GPM6A: variants seen among roughly 807,000 people sequenced by gnomAD.
GPM6A encodes glycoprotein M6A, also known as neuronal membrane glycoprotein M6-a.
Under a neutral mutation model 32.1 loss-of-function variants are expected in GPM6A, and 7 were observed. The observed-to-expected ratio is 0.22, with a 90% CI of 0.12 to 0.41. The LOEUF is 0.41. GPM6A is among the 10% of genes least tolerant of loss of function. The pLI, the probability that GPM6A is intolerant of heterozygous loss-of-function variation, is 1.00. For missense variants in GPM6A, 235 were observed against 347.2 expected (o/e 0.68, Z 2.57); for synonymous variants, 130 against 123.4 (o/e 1.05, Z -0.35).
chr4:175,827,412 C>T (rs1371502513), intron 1 of GPM6A, among the ~76,000 whole-genome samples: 1 of 152,266 alleles, frequency 6.6e-6, no homozygotes, highest in East Asian at 1.9e-4. Context: ...GTATTATTAT[C>T]CCCACTTCGC....
At chr4:175,702,737 G>A (rs186115170) in intron 1 of GPM6A, among the ~76,000 whole-genome samples, 9 of 152,146 alleles carry the variant, frequency 5.9e-5, no homozygotes, top group Admixed American at 2.6e-4. Flanking sequence ...GGCTGGTCTC[G>A]AACTCTTGAC....
chr4:175,946,130 A>C (rs1301738574), intron 1 of GPM6A, among the ~76,000 whole-genome samples: 6 of 152,140 alleles, frequency 3.9e-5, no homozygotes, highest in African/African-American at 1.4e-4. Context: ...TAAATCTATA[A>C]AAAATCTATA....
rs190033105 is a variant in GPM6A, at chr4:175,729,590, G to C, written c.38-27823C>G. On this transcript the variant is annotated intron_variant, in intron 1 of 6. Transcript: ENST00000393658. ...ATTGTTCATTTAAAAATAACTAAAAGAGTATAAGTGGATTGTTTGGAACAA... is the reference window on the plus strand; with the variant it reads ...ATTGTTCATTTAAAAATAACTAAAACAGTATAAGTGGATTGTTTGGAACAA... 2.2e-3 allele frequency among the ~76,000 whole-genome samples: 332 copies of C among 152,040 alleles called. 2 individuals carry two copies. The highest frequency in any genetic ancestry group is 0.011 in the South Asian group (52 of 4,826).
intron 4 of GPM6A, among the ~76,000 whole-genome samples, chr4:175,649,938 A>G (rs950044251): frequency 2.0e-5 from 3 of 152,204 alleles, no homozygotes; most frequent in African/African-American, 7.2e-5. Flanking sequence ...TTCCAAATTT[A>G]ACTTTTAGGA....
At chr4:175,644,504 T>C (rs1741342889) in intron 4 of GPM6A, among the ~76,000 whole-genome samples, 1 of 151,588 alleles carries the variant, frequency 6.6e-6, no homozygotes, top group Admixed American at 6.6e-5. Flanking sequence ...ATATAACAAA[T>C]AGATATAATA....
At chr4:175,745,640 A>G (rs1033715358) in intron 1 of GPM6A, among the ~76,000 whole-genome samples, 23 of 152,204 alleles carry the variant, frequency 1.5e-4, no homozygotes, top group African/African-American at 5.5e-4. Flanking sequence ...CGAGAACATT[A>G]TAATTATTCC....
chr4:175,892,061 G>A (rs548801178), intron 1 of GPM6A, among the ~76,000 whole-genome samples: 1 of 152,292 alleles, frequency 6.6e-6, no homozygotes, highest in Admixed American at 6.5e-5. Context: ...AAGCAGTCTA[G>A]TACTTTAAAA....
At chr4:175,944,690 A>C (rs1485862581) in intron 1 of GPM6A, among the ~76,000 whole-genome samples, 2 of 152,202 alleles carry the variant, frequency 1.3e-5, no homozygotes, top group Non-Finnish European at 2.9e-5. Context: ...CAGAACACTC[A>C]AGTAAGAAAT....
At chr4:175,726,715 C>CT (rs1446884433) in intron 1 of GPM6A, among the ~76,000 whole-genome samples, 1 of 152,076 alleles carries the variant, frequency 6.6e-6, no homozygotes, top group Non-Finnish European at 1.5e-5. Context: ...GTTACTTTAA[C>CT]TTTTTATAAA....
At chr4:175,655,364 G>T (rs73875108) in intron 3 of GPM6A, among the ~76,000 whole-genome samples, 4,260 of 152,006 alleles carry the variant, frequency 0.028, 79 homozygotes, top group Non-Finnish European at 0.038. Context: ...TTCTATTTCA[G>T]AATCTGATGA....
chr4:175,813,227 T>A, upstream of GPM6A: 1 of 249,210 alleles, frequency 4.0e-6, no homozygotes, highest in Non-Finnish European at 6.4e-6. Context: ...ATGAGAAGAG[T>A]GATGTAAGGG....
upstream of GPM6A, chr4:175,812,634 G>A: frequency 4.0e-6 from 4 of 991,326 alleles, no homozygotes; most frequent in Non-Finnish European, 4.8e-6. Context: ...AGAAATTGAG[G>A]TTTGTATTGA....
intron 1 of GPM6A, among the ~76,000 whole-genome samples, chr4:175,981,205 C>G (rs970302119): frequency 6.6e-6 from 1 of 152,000 alleles, no homozygotes; most frequent in Admixed American, 6.6e-5. Flanking sequence ...AATGACCTAC[C>G]ACTCAAAATC....
intron 1 of GPM6A, among the ~76,000 whole-genome samples, chr4:175,951,775 T>C (rs1739821751): frequency 6.6e-6 from 1 of 152,226 alleles, no homozygotes; most frequent in South Asian, 2.1e-4. Flanking sequence ...ATGCGGAGCG[T>C]GTTTGTGAAT....
intron 1 of GPM6A, among the ~76,000 whole-genome samples, chr4:175,977,339 A>T (rs547517053): frequency 3.4e-4 from 52 of 152,302 alleles, no homozygotes; most frequent in Non-Finnish European, 6.3e-4. Flanking sequence ...TTTATTTAGT[A>T]CTTTCTTGTC....
chr4:175,965,494 C>G (rs966124678), intron 1 of GPM6A, among the ~76,000 whole-genome samples: 1 of 151,870 alleles, frequency 6.6e-6, no homozygotes, highest in African/African-American at 2.4e-5. Context: ...ATCAATGAAA[C>G]CATAGAATGG....
At chr4:175,640,514 C>G (rs1741080282) in intron 5 of GPM6A, among the ~76,000 whole-genome samples, 1 of 152,064 alleles carries the variant, frequency 6.6e-6, no homozygotes, top group Non-Finnish European at 1.5e-5. Context: ...ATGTTTTCAG[C>G]CTTCATTAAA....
chr4:175,926,292 T>C (rs1162136990), intron 1 of GPM6A, among the ~76,000 whole-genome samples: 1 of 152,178 alleles, frequency 6.6e-6, no homozygotes, highest in Non-Finnish European at 1.5e-5. Context: ...CTTTTACAGT[T>C]TGGGGTCAAT....
chr4:175,702,175 T>A (rs866111172), intron 1 of GPM6A, among the ~76,000 whole-genome samples: 15 of 152,342 alleles, frequency 9.8e-5, no homozygotes, highest in African/African-American at 3.6e-4. Flanking sequence ...TTTTTCTTTT[T>A]TTGTAACAGA....
Sources: gnomAD v4.1 joint callset for allele counts (sites outside exome capture counted in the v4.1 genomes callset) on GRCh38, gnomAD v4.1.1 for gene constraint, MANE v1.5 for transcripts, NCBI Gene and HGNC (gene_info 2026-07-23, HGNC 2026-07-21) for gene names.